CKAP5: variants seen among roughly 807,000 people sequenced by gnomAD.
CKAP5 encodes cytoskeleton-associated protein 5.
CKAP5 carries 27 observed loss-of-function variants against 232.8 expected under a neutral mutation model. The observed-to-expected ratio is 0.12, with a 90% CI of 0.09 to 0.16. CKAP5 has a LOEUF of 0.16. CKAP5 is among the 10% of genes least tolerant of loss of function. CKAP5 has a pLI of 1.00. For synonymous variants in CKAP5, 785 were observed against 841.1 expected (o/e 0.93, Z 1.16); for missense variants, 1,838 against 2,424.7 (o/e 0.76, Z 5.08).
rs187082689 is a variant in CKAP5 at position 46,774,897 on chromosome 11, C to G, written c.2991+1358G>C. Among the ~76,000 whole-genome samples, 7 of 152,190 alleles carry G rather than the reference C, an allele frequency of 4.6e-5. No individual in the cohort carries two copies. In the East Asian group the frequency reaches 1.4e-3, roughly 29 times the overall value. On this transcript the variant is annotated intron_variant, in intron 24 of 43. Transcript: ENST00000529230. The stretch of plus-strand genomic sequence containing the variant: ...AAACCATAAAAACCCTAGAAGAAAA[C>G]CTAGAATACCATTCAGGACATAGGC...
At chr11:46,799,922 G>A (rs927639819) in intron 9 of CKAP5, among the ~76,000 whole-genome samples, 9 of 151,866 alleles carry the variant, frequency 5.9e-5, no homozygotes, top group African/African-American at 2.2e-4. Context: ...GATCACCTGC[G>A]CCTAGGAGGT....
intron 18 of CKAP5, among the ~76,000 whole-genome samples, chr11:46,781,570 G>T (rs1209321247): frequency 6.6e-6 from 1 of 152,054 alleles, no homozygotes; most frequent in Non-Finnish European, 1.5e-5. Context: ...CTGAAGAAAA[G>T]ACACTCCTTG....
chr11:46,765,175 GAAC>G lies in CKAP5; in HGVS notation c.3490_3492del (p.Val1164del). 6.2e-7 allele frequency: 1 copy of G among 1,611,976 alleles called. No homozygotes were observed. The highest frequency in any genetic ancestry group is 8.5e-7 in the Non-Finnish European group (1 of 1,179,152). On this transcript the variant is annotated inframe_deletion, in exon 28 of 44. Transcript: ENST00000529230. ...TTCATCCTTTGCTCTTTTCCATTTG[GAAC>G]AACAATAAAAATAGGCCCGGATTTG...
intron 26 of CKAP5, 39 bp from the exon 27 acceptor site, chr11:46,767,702 C>T (rs753637704): frequency 7.9e-7 from 1 of 1,260,078 alleles, no homozygotes; most frequent in Admixed American, 1.9e-5. Context: ...TAAACTTTAA[C>T]TAATATCATT....
intron 18 of CKAP5, among the ~76,000 whole-genome samples, chr11:46,782,216 G>A (rs1408593163): frequency 1.3e-5 from 2 of 152,060 alleles, no homozygotes; most frequent in African/African-American, 4.8e-5. Flanking sequence ...TAACTCCCAT[G>A]AAACAGAAAT....
chr11:46,828,185 G>A lies in CKAP5; in HGVS notation c.-37-6917C>T, dbSNP rs1466284460. ...ATTGCTCCACCAGGGAGCAGACTCAGGTTACTCTTATTCTGAAGGTTTTAG... is the reference window on the plus strand; with the variant it reads ...ATTGCTCCACCAGGGAGCAGACTCAAGTTACTCTTATTCTGAAGGTTTTAG... On this transcript the variant is annotated intron_variant, in intron 1 of 43. Transcript: ENST00000529230. 2.6e-5 allele frequency among the ~76,000 whole-genome samples: 4 copies of A among 151,204 alleles called. No individual in the cohort carries two copies. In the Admixed American group the frequency reaches 2.6e-4, roughly 10 times the overall value.
At chr11:46,798,923 TA>T (rs1340187980) in intron 9 of CKAP5, among the ~76,000 whole-genome samples, 1 of 152,212 alleles carries the variant, frequency 6.6e-6, no homozygotes, top group African/African-American at 2.4e-5. Context: ...TTAAGTGGAA[TA>T]AAAAGTCATT....
chr11:46,843,948 T>C (rs945155868), intron 1 of CKAP5, among the ~76,000 whole-genome samples: 4 of 151,944 alleles, frequency 2.6e-5, no homozygotes, highest in Non-Finnish European at 5.9e-5. Flanking sequence ...TAGCCAGGTG[T>C]GGTGGCTCAC....
rs751076163 is a variant in CKAP5, at chr11:46,809,852, C to A, written c.653G>T (p.Trp218Leu). The part of the protein sequence containing the change: ...SVQLKELEEE[W>L]VKLPTSAPRP... The stretch of plus-strand genomic sequence containing the variant: ...AGGAGCACTTGTTGGCAGTTTGACC[C>A]ATTCTTCTTCTAGTTCTTTCAACTG... The change falls in exon 6 of 44, where the codon TGG becomes TTG. Residue 218 changes from tryptophan (W) to leucine (L), a missense_variant. Transcript: ENST00000529230. 6.8e-6 allele frequency: 11 copies of A among 1,609,620 alleles called. No individual in the cohort carries two copies. Among genetic ancestry groups the A allele is most frequent in the South Asian group, 1.1e-5 (1 of 89,202 alleles).
At chr11:46,817,784 T>C (rs1939438102) in intron 3 of CKAP5, among the ~76,000 whole-genome samples, 1 of 152,066 alleles carries the variant, frequency 6.6e-6, no homozygotes, top group Non-Finnish European at 1.5e-5. Flanking sequence ...CATTCACAGA[T>C]CAAGTTAAAC....
Position 46,778,571 on chromosome 11 carries a change from G to A in CKAP5, c.2462C>T (p.Thr821Ile). The change falls in exon 21 of 44, where the codon ACC becomes ATC. Residue 821 changes from threonine to isoleucine, a missense_variant. This residue lies in a region of CKAP5 where 767 missense variants were observed against 954.6 expected (regional missense o/e 0.80). Coordinates refer to ENST00000529230, the MANE Select transcript of CKAP5 (RefSeq NM_001008938.4). Reference sequence around the variant, plus strand: ...TGTGCTATGCTTGGAAATTCCTCTGGTTGGAGCAGGTGGACTTTGTCCCTG... The same window carrying A: ...TGTGCTATGCTTGGAAATTCCTCTGATTGGAGCAGGTGGACTTTGTCCCTG... ...KMQGQSPPAP[T>I]RGISKHSTSG... is the part of the protein sequence containing the mutation. 1 of 1,613,932 alleles carries A rather than the reference G, an allele frequency of 6.2e-7. No homozygotes were observed. Among genetic ancestry groups the A allele is most frequent in the Non-Finnish European group, 8.5e-7 (1 of 1,179,884 alleles).
chr11:46,778,634 T>A, intron 20 of CKAP5, 35 bp from the exon 21 acceptor site: 1 of 1,591,088 alleles, frequency 6.3e-7, no homozygotes, highest in South Asian at 1.1e-5. Flanking sequence ...CTAATGAAAT[T>A]TATATAGGAT....
intron 26 of CKAP5, among the ~76,000 whole-genome samples, chr11:46,768,671 T>C (rs2065224156): frequency 6.6e-6 from 1 of 151,480 alleles, no homozygotes; most frequent in South Asian, 2.1e-4. Flanking sequence ...AGCCTCAACC[T>C]CCTGGGCTGA....
intron 42 of CKAP5, among the ~76,000 whole-genome samples, chr11:46,749,312 G>C (rs2134566035): frequency 6.6e-6 from 1 of 151,726 alleles, no homozygotes; most frequent in South Asian, 2.1e-4. Context: ...AACATTAGCT[G>C]GGTGTGGTGG....
chr11:46,780,399 C>A (rs1239467875), intron 19 of CKAP5, 29 bp downstream of exon 19: 3 of 1,613,064 alleles, frequency 1.9e-6, no homozygotes, highest in Non-Finnish European at 1.7e-6. Context: ...GATGGCAATA[C>A]TGCCCTATAT....
At chr11:46,761,312 G>A (rs2065153656) in intron 32 of CKAP5, among the ~76,000 whole-genome samples, 1 of 151,526 alleles carries the variant, frequency 6.6e-6, no homozygotes, top group Admixed American at 6.6e-5. Context: ...AAATAAAAAG[G>A]TCAAAAATTA....
chr11:46,790,462 A>C lies in CKAP5; in HGVS notation c.1764+8T>G, dbSNP rs1938693562. On this transcript the variant is annotated splice_region_variant and intron_variant, in intron 14 of 43. Coordinates refer to ENST00000529230, the MANE Select transcript of CKAP5 (RefSeq NM_001008938.4). ...CATGATTTTCAGGCTCAGTGTGTTAATACTGACCGAGAGCTCAGGCTCCAC... is the reference window on the plus strand; with the variant it reads ...CATGATTTTCAGGCTCAGTGTGTTACTACTGACCGAGAGCTCAGGCTCCAC... 1.9e-6 allele frequency: 3 copies of C among 1,594,660 alleles called. No individual in the cohort carries two copies. The highest frequency in any genetic ancestry group is 2.6e-6 in the Non-Finnish European group (3 of 1,162,964).
At chr11:46,777,258 G>C (rs148211995) in intron 23 of CKAP5, among the ~76,000 whole-genome samples, 181 bp downstream of exon 23, 2 of 152,146 alleles carry the variant, frequency 1.3e-5, no homozygotes, top group Non-Finnish European at 2.9e-5. Context: ...ACTAATAAGT[G>C]ATACCTGGTC....
chr11:46,806,044 GT>G (rs1404148738), intron 8 of CKAP5, among the ~76,000 whole-genome samples: 1 of 152,178 alleles, frequency 6.6e-6, no homozygotes, highest in African/African-American at 2.4e-5. Context: ...ACTTTTCATT[GT>G]TTTAAATATT....
Sources: gnomAD v4.1 joint callset for allele counts (sites outside exome capture counted in the v4.1 genomes callset) on GRCh38, gnomAD v4.1.1 for gene constraint, gnomAD v4.1.1 regional missense constraint, MANE v1.5 for transcripts, NCBI Gene and HGNC (gene_info 2026-07-23, HGNC 2026-07-21) for gene names.